The following ARMH3 variants were observed in gnomAD, a reference collection of about 807,000 sequenced individuals.
ARMH3 encodes armadillo like helical domain containing 3, also known as armadillo-like helical domain-containing protein 3.
ARMH3 carries 60 observed loss-of-function variants against 99.1 expected under a neutral mutation model. The observed-to-expected ratio is 0.61, with a 90% CI of 0.49 to 0.75. The LOEUF (loss-of-function observed/expected upper bound fraction) is 0.75, where lower values mean the gene tolerates loss of function less well. ARMH3 is among the 30% of genes least tolerant of loss of function. ARMH3 has a pLI of 0.00. For missense variants in ARMH3, 679 were observed against 843.1 expected (o/e 0.81, Z 2.41); for synonymous variants, 285 against 292.8 (o/e 0.97, Z 0.27).
intron 24 of ARMH3, among the ~76,000 whole-genome samples, chr10:101,872,224 T>A (rs1261312294): frequency 2.7e-5 from 4 of 149,446 alleles, no homozygotes; most frequent in African/African-American, 4.9e-5. Flanking sequence ...ATTTAGAGAG[T>A]GTGTGTGTGT....
intron 23 of ARMH3, among the ~76,000 whole-genome samples, chr10:101,902,733 G>C (rs1431072024): frequency 6.6e-6 from 1 of 152,104 alleles, no homozygotes; most frequent in Non-Finnish European, 1.5e-5. Context: ...CTAGATGACT[G>C]CTACTCAGAA....
At chr10:101,871,906 C>A (rs1014556106) in intron 24 of ARMH3, among the ~76,000 whole-genome samples, 3 of 151,802 alleles carry the variant, frequency 2.0e-5, no homozygotes, top group Non-Finnish European at 2.9e-5. Context: ...GAGGCTGAGG[C>A]ATGAGAATTG....
intron 2 of ARMH3, among the ~76,000 whole-genome samples, chr10:102,038,424 C>T (rs992111793): frequency 1.3e-5 from 2 of 152,124 alleles, no homozygotes; most frequent in African/African-American, 4.8e-5. Context: ...CTAGCACCTA[C>T]TTATTTTCTC....
intron 24 of ARMH3, among the ~76,000 whole-genome samples, chr10:101,884,670 TAGA>T (rs2067496513): frequency 6.6e-6 from 1 of 152,174 alleles, no homozygotes; most frequent in African/African-American, 2.4e-5. Context: ...ACTAAACTCT[TAGA>T]AGAAAACATA....
At chr10:101,985,745 G>A (rs368675359) in intron 19 of ARMH3, among the ~76,000 whole-genome samples, 23 of 151,906 alleles carry the variant, frequency 1.5e-4, no homozygotes, top group Admixed American at 5.9e-4. Context: ...GGCCAGGCGC[G>A]GTGGCTCACT....
chr10:101,850,308 A>C (rs760369755), intron 24 of ARMH3, among the ~76,000 whole-genome samples: 20 of 151,852 alleles, frequency 1.3e-4, no homozygotes, highest in Non-Finnish European at 2.8e-4. Flanking sequence ...CATGTTGGCC[A>C]GGCTGGTCTC....
At chr10:101,915,462 C>T (rs141521225) in intron 23 of ARMH3, among the ~76,000 whole-genome samples, 2 of 152,314 alleles carry the variant, frequency 1.3e-5, no homozygotes, top group African/African-American at 4.8e-5. Context: ...TAATGCAATA[C>T]TACTATCACC....
intron 1 of ARMH3, among the ~76,000 whole-genome samples, chr10:102,043,754 T>A (rs979661023): frequency 2.0e-5 from 3 of 152,192 alleles, no homozygotes; most frequent in African/African-American, 7.2e-5. Flanking sequence ...TAAAAAAGAA[T>A]CAGGCAACTT....
rs539780836 is a variant in ARMH3 at position 101,948,815 on chromosome 10, T to C, written c.1705+7782A>G. 4.5e-4 allele frequency among the ~76,000 whole-genome samples: 68 copies of C among 151,710 alleles called. 1 individual carries two copies. Among genetic ancestry groups the C allele is most frequent in the Non-Finnish European group, 1.0e-4 (7 of 67,846 alleles). On this transcript the variant is annotated intron_variant, in intron 22 of 25. Coordinates refer to ENST00000370033, the MANE Select transcript of ARMH3 (RefSeq NM_024541.3). ...ATACAAGTGCATGTGGAATGGACCA[T>C]TTACCAAGATAGACCATACTCTGGG...
intron 22 of ARMH3, among the ~76,000 whole-genome samples, chr10:101,955,396 T>C (rs1195350986): frequency 6.6e-6 from 1 of 152,246 alleles, no homozygotes; most frequent in Non-Finnish European, 1.5e-5. Context: ...AGTTTTCTGA[T>C]ACTTGCCATT....
intron 23 of ARMH3, among the ~76,000 whole-genome samples, chr10:101,919,463 C>T (rs193058375): frequency 2.6e-5 from 4 of 152,256 alleles, no homozygotes; most frequent in Admixed American, 2.6e-4. Context: ...GCTCACAGCA[C>T]TTTATAAGCC....
intron 24 of ARMH3, among the ~76,000 whole-genome samples, chr10:101,858,732 G>A (rs1039329021): frequency 6.6e-6 from 1 of 152,146 alleles, no homozygotes; most frequent in African/African-American, 2.4e-5. Context: ...CAGGCAGAGT[G>A]GCAGGCCCTC....
chr10:102,026,031 A>T (rs933671700), intron 5 of ARMH3, among the ~76,000 whole-genome samples: 1 of 152,166 alleles, frequency 6.6e-6, no homozygotes, highest in Non-Finnish European at 1.5e-5. Flanking sequence ...ACAGGCTATC[A>T]CTAGCCATAT....
intron 22 of ARMH3, among the ~76,000 whole-genome samples, chr10:101,945,445 C>T (rs768102982): frequency 2.0e-5 from 3 of 152,044 alleles, no homozygotes; most frequent in Non-Finnish European, 4.4e-5. Flanking sequence ...AGGCTGGACA[C>T]GGTGGCTCGC....
At chr10:102,034,453 G>A (rs970917477) in intron 2 of ARMH3, among the ~76,000 whole-genome samples, 7 of 151,592 alleles carry the variant, frequency 4.6e-5, no homozygotes, top group Non-Finnish European at 7.4e-5. Context: ...TGGCTAACAC[G>A]GTGACACCCC....
chr10:101,993,536 A>G lies in ARMH3; in HGVS notation c.1275+2T>C, dbSNP rs1404829605. 1 of 1,591,940 alleles carries G rather than the reference A, an allele frequency of 6.3e-7. No individual in the cohort carries two copies. The highest frequency in any genetic ancestry group is 8.5e-7 in the Non-Finnish European group (1 of 1,169,966). On this transcript the variant is annotated splice_donor_variant, in intron 17 of 25. Coordinates refer to ENST00000370033, the MANE Select transcript of ARMH3 (RefSeq NM_024541.3). LOFTEE classifies it high-confidence loss of function. The stretch of plus-strand genomic sequence containing the variant: ...AAAACAAGAAGCAAAAGAAACACCT[A>G]CCATTCTATGTAAGTTTACTCGAAA...
At chr10:101,961,141 A>G (rs560322511) in intron 20 of ARMH3, among the ~76,000 whole-genome samples, 5 of 152,208 alleles carry the variant, frequency 3.3e-5, no homozygotes, top group African/African-American at 1.2e-4. Context: ...ATACCTCATT[A>G]TCGCCTTCCT....
chr10:102,040,016 G>A lies in ARMH3; in HGVS notation c.99C>T (p.Phe33=). ...ACAACAAGGCCGCAGGCCTTACCAT[G>A]AAGATCTCATCATACATCAGCACCA... ...EKVVLMYDEI[F]MTEDPSKCSP... Residue 33 remains phenylalanine (F), a synonymous_variant, in exon 2 of 26, where the codon TTC becomes TTT. Coordinates refer to ENST00000370033, the MANE Select transcript of ARMH3 (RefSeq NM_024541.3). 1 of 1,613,602 alleles carries A rather than the reference G, an allele frequency of 6.2e-7. No individual in the cohort carries two copies. Among genetic ancestry groups the A allele is most frequent in the Non-Finnish European group, 8.5e-7 (1 of 1,179,508 alleles).
chr10:101,911,326 T>A (rs536190543), intron 23 of ARMH3, among the ~76,000 whole-genome samples: 4 of 152,134 alleles, frequency 2.6e-5, no homozygotes, highest in Admixed American at 1.3e-4. Context: ...ATAAAAGAAG[T>A]GAGGGTTCTG....
Sources: gnomAD v4.1 joint callset for allele counts (sites outside exome capture counted in the v4.1 genomes callset) on GRCh38, gnomAD v4.1.1 for gene constraint, MANE v1.5 for transcripts, NCBI Gene and HGNC (gene_info 2026-07-23, HGNC 2026-07-21) for gene names.